The following RAPGEF2 variants were observed in gnomAD, a reference collection of about 807,000 sequenced individuals.
The protein encoded by RAPGEF2 is Rap guanine nucleotide exchange factor 2, also known as PDZ domain containing guanine nucleotide exchange factor (GEF) 1.
A neutral mutation model predicts 186.7 loss-of-function variants in RAPGEF2; 54 were observed. That is an observed-to-expected ratio of 0.29 (90% confidence interval 0.23 to 0.36). RAPGEF2 has a LOEUF of 0.36. Among genes scored for constraint, RAPGEF2 ranks in the 10% least tolerant of loss-of-function variants. The pLI, the probability that RAPGEF2 is intolerant of heterozygous loss-of-function variation, is 1.00. For synonymous variants in RAPGEF2, 712 were observed against 705.9 expected (o/e 1.01, Z -0.14); for missense variants, 1,532 against 2,045.0 (o/e 0.75, Z 4.84).
chr4:159,179,440 G>C, intron 1 of RAPGEF2, among the ~76,000 whole-genome samples: 1 of 152,280 alleles, frequency 6.6e-6, no homozygotes, highest in South Asian at 2.1e-4. Context: ...GAATCTAAAA[G>C]TGTAACTCCC....
intron 1 of RAPGEF2, among the ~76,000 whole-genome samples, chr4:159,180,008 G>A (rs1746844149): frequency 6.6e-6 from 1 of 152,152 alleles, no homozygotes; most frequent in African/African-American, 2.4e-5. Context: ...TGGGGCTTGG[G>A]TAATGTGAGG....
At chr4:159,287,012 A>G (rs573849083) in intron 7 of RAPGEF2, among the ~76,000 whole-genome samples, 1 of 152,300 alleles carries the variant, frequency 6.6e-6, no homozygotes, top group African/African-American at 2.4e-5. Context: ...TTGATAAGTA[A>G]TTATGGAATG....
At chr4:159,173,225 T>A (rs2111253541) in intron 1 of RAPGEF2, among the ~76,000 whole-genome samples, 1 of 152,304 alleles carries the variant, frequency 6.6e-6, no homozygotes, top group East Asian at 1.9e-4. Flanking sequence ...AATGAAATTT[T>A]CTATATTTAA....
intron 26 of RAPGEF2, 140 bp from the exon 27 acceptor site, chr4:159,352,545 C>T: frequency 1.6e-6 from 1 of 637,718 alleles, no homozygotes; most frequent in Non-Finnish European, 2.8e-6. Context: ...GTCATGTGGT[C>T]TCTACAAGTG....
chr4:159,322,188 C>G (rs770929444), intron 9 of RAPGEF2, among the ~76,000 whole-genome samples, 159 bp from the exon 10 acceptor site: 3 of 152,180 alleles, frequency 2.0e-5, no homozygotes, highest in Admixed American at 6.5e-5. Flanking sequence ...CTTTGTGTAC[C>G]TGCAAGAAAT....
At chr4:159,150,917 C>G (rs573124394) in intron 1 of RAPGEF2, among the ~76,000 whole-genome samples, 1 of 152,274 alleles carries the variant, frequency 6.6e-6, no homozygotes, top group South Asian at 2.1e-4. Flanking sequence ...TGTTCTCTCT[C>G]CAGCTTCAGT....
chr4:159,300,604 A>G (rs561750354), intron 7 of RAPGEF2, among the ~76,000 whole-genome samples: 38 of 152,124 alleles, frequency 2.5e-4, no homozygotes, highest in African/African-American at 8.4e-4. Context: ...TTATTCAGGT[A>G]ATTACTGTAT....
At position 159,331,445 on chromosome 4, in the gene RAPGEF2, A is replaced by G. The variant is rs1290052785; in HGVS notation, c.1482A>G (p.Val494=). 1 of 1,609,950 alleles carries G rather than the reference A, an allele frequency of 6.2e-7. No individual in the cohort carries two copies. Among genetic ancestry groups the G allele is most frequent in the East Asian group, 2.2e-5 (1 of 44,810 alleles). ...PSLRDKVTRV[V]LLWVNNHFND... is the part of the protein sequence containing the mutation. ...TGACTTTTCAGGTTACACGGGTAGT[A>G]TTATTGTGGGTAAATAATCACTTCA... is the stretch of plus-strand genomic sequence containing the variant. Residue 494 remains valine, a synonymous_variant, in exon 14 of 30, where the codon GTA becomes GTG. Transcript: ENST00000691494.
chr4:159,203,372 CTTAAGAG>C (rs1272173266), intron 3 of RAPGEF2, among the ~76,000 whole-genome samples: 1 of 151,974 alleles, frequency 6.6e-6, no homozygotes, highest in Admixed American at 6.6e-5. Flanking sequence ...ATTGGGGGTA[CTTAAGAG>C]TTAGAGGAGT....
chr4:159,191,954 A>G (rs779194533), intron 2 of RAPGEF2, among the ~76,000 whole-genome samples: 5 of 152,178 alleles, frequency 3.3e-5, no homozygotes, highest in Non-Finnish European at 7.4e-5. Context: ...TTGCAGGAGC[A>G]CGGGGTCTTA....
intron 17 of RAPGEF2, among the ~76,000 whole-genome samples, chr4:159,336,461 C>G (rs1767435121): frequency 6.6e-6 from 1 of 152,102 alleles, no homozygotes; most frequent in Non-Finnish European, 1.5e-5. Context: ...AGAATAATGA[C>G]CAACAGCTCC....
At chr4:159,141,080 T>A (rs1431951126) in intron 1 of RAPGEF2, among the ~76,000 whole-genome samples, 4 of 152,092 alleles carry the variant, frequency 2.6e-5, no homozygotes, top group Admixed American at 2.6e-4. Context: ...ATTATAGGCA[T>A]GAGATGCTGC....
At chr4:159,131,533 T>TA (rs1741102054) in intron 1 of RAPGEF2, among the ~76,000 whole-genome samples, 1 of 149,364 alleles carries the variant, frequency 6.7e-6, no homozygotes, top group Non-Finnish European at 1.5e-5. Flanking sequence ...TTTTTTTTTT[T>TA]TTTTTTTTTT....
intron 3 of RAPGEF2, among the ~76,000 whole-genome samples, chr4:159,201,309 A>G (rs1399425156): frequency 1.3e-5 from 2 of 152,228 alleles, no homozygotes; most frequent in African/African-American, 4.8e-5. Context: ...CTGGAAAGCC[A>G]TCTGTCTATT....
At chr4:159,338,263 A>G (rs1767752152) in intron 17 of RAPGEF2, 48 bp from the exon 18 acceptor site, 2 of 1,553,538 alleles carry the variant, frequency 1.3e-6, no homozygotes, top group African/African-American at 1.4e-5. Flanking sequence ...GTGATGATGT[A>G]CAACTTTTTA....
chr4:159,198,323 TTTCTTTCTTTCTTTTTCTTTC>T, intron 3 of RAPGEF2, among the ~76,000 whole-genome samples: 1 of 77,042 alleles, frequency 1.3e-5, no homozygotes. Context: ...TCTTTCTTTC[TTTCTTTCTTTCTTTTTCTTTC>T]TCTCTCTTTC....
intron 9 of RAPGEF2, among the ~76,000 whole-genome samples, chr4:159,319,208 G>A (rs1764952232): frequency 6.6e-6 from 1 of 152,154 alleles, no homozygotes; most frequent in African/African-American, 2.4e-5. Flanking sequence ...TGACCTGTTA[G>A]GAACTAGGCC....
intron 7 of RAPGEF2, chr4:159,267,602 TTC>T (rs1757575496): frequency 2.0e-6 from 1 of 492,692 alleles, no homozygotes; most frequent in African/African-American, 2.0e-5. Context: ...CCTGATTTTT[TTC>T]TTTCTTTCAT....
chr4:159,299,015 A>T (rs1328491235), intron 7 of RAPGEF2, among the ~76,000 whole-genome samples: 2 of 152,188 alleles, frequency 1.3e-5, no homozygotes, highest in African/African-American at 2.4e-5. Context: ...AAAATAGAAA[A>T]TATGTCTAGG....
Sources: allele counts gnomAD v4.1 joint callset (sites outside exome capture counted in the v4.1 genomes callset), GRCh38; gene constraint gnomAD v4.1.1; transcripts MANE v1.5; gene names NCBI Gene and HGNC (gene_info 2026-07-23, HGNC 2026-07-21).